Variants in EP300 observed in about 807,000 individuals in gnomAD.
The protein encoded by EP300 is histone acetyltransferase p300.
Under a neutral mutation model 264.0 loss-of-function variants are expected in EP300, and 31 were observed. The ratio of observed to expected loss-of-function variants is 0.12; its 90% confidence interval spans 0.09 to 0.16. The LOEUF (loss-of-function observed/expected upper bound fraction) is 0.16, where lower values mean the gene tolerates loss of function less well. Among genes scored for constraint, EP300 ranks in the 10% least tolerant of loss-of-function variants. The pLI is 1.00. For synonymous variants in EP300, 1,340 were observed against 1,045.4 expected (o/e 1.28, Z -5.44); for missense variants, 2,766 against 3,052.9 (o/e 0.91, Z 2.21).
intron 1 of EP300, among the ~76,000 whole-genome samples, chr22:41,096,681 C>G (rs1000800258): frequency 2.1e-5 from 3 of 144,230 alleles, no homozygotes; most frequent in South Asian, 2.2e-4. Context: ...TGCAGTAGCT[C>G]GATCTTGGCT....
chr22:41,131,511 C>T lies in EP300; in HGVS notation c.1406C>T (p.Ala469Val), dbSNP rs2145715655. Residue 469 changes from alanine (A) to valine (V), a missense_variant, in exon 6 of 31, where the codon GCA (alanine) becomes GTA (valine). By Grantham distance (64) the Ala-to-Val change is moderately conservative. Coordinates refer to ENST00000263253, the MANE Select transcript of EP300 (RefSeq NM_001429.4). ...CCCAGCTCCATAGAAAGAGCCTATG[C>T]AGCTCTTGGACTACCCTATCAAGTA... ...IDPSSIERAY[A>V]ALGLPYQVNQ... 6.2e-7 allele frequency: 1 copy of T among 1,614,120 alleles called. No homozygotes were observed. Among genetic ancestry groups the T allele is most frequent in the Non-Finnish European group, 8.5e-7 (1 of 1,180,036 alleles).
intron 2 of EP300, among the ~76,000 whole-genome samples, chr22:41,119,621 T>C (rs1320463090): frequency 1.3e-5 from 2 of 152,052 alleles, no homozygotes; most frequent in Non-Finnish European, 2.9e-5. Context: ...GTAAGTGCTA[T>C]GGAGAAAAAT....
rs979888457 is a variant in EP300 at position 41,141,969 on chromosome 22, TC to T, written c.2053+750del. Among the ~76,000 whole-genome samples, 8 of 152,230 alleles carry T rather than the reference TC, an allele frequency of 5.3e-5. No homozygotes were observed. In the South Asian group the frequency reaches 1.4e-3, roughly 28 times the overall value. On this transcript the variant is annotated intron_variant, in intron 10 of 30. Coordinates refer to ENST00000263253, the MANE Select transcript of EP300 (RefSeq NM_001429.4). ...TAGGATTACAGGCATGAGCCACCAC[TC>T]CCTGCCTAGAAGCATCATTTAAAAT...
At position 41,179,076 on chromosome 22, in the gene EP300, A is replaced by G; in HGVS notation, c.*120A>G. 1 of 1,216,556 alleles carries G rather than the reference A, an allele frequency of 8.2e-7. No homozygotes were observed. Among genetic ancestry groups the G allele is most frequent in the Non-Finnish European group, 1.2e-6 (1 of 861,196 alleles). 75.4% of individuals were successfully genotyped at this position (1,216,556 alleles called of 1,614,324 possible). ...AAAGACAATTTTCCTTGGAACACAT[A>G]AGAACTGTGCAGTAGCCGTTTGTGG... On this transcript the variant is annotated 3_prime_UTR_variant, in exon 31 of 31. Transcript: ENST00000263253.
At chr22:41,094,805 G>C (rs147579011) in intron 1 of EP300, among the ~76,000 whole-genome samples, 203 of 152,238 alleles carry the variant, frequency 1.3e-3, no homozygotes, top group Middle Eastern at 6.8e-3. Context: ...TTGGAACGTA[G>C]GGGAAACTTT....
At chr22:41,147,779 C>T (rs535799952) in intron 11 of EP300, 58 bp from the exon 12 acceptor site, 1 of 1,131,670 alleles carries the variant, frequency 8.8e-7, no homozygotes, top group Admixed American at 1.7e-5. Context: ...AGAATTCTAT[C>T]TTTTATTATT....
At chr22:41,167,883 G>C (rs1383602745) in intron 23 of EP300, among the ~76,000 whole-genome samples, 1 of 117,300 alleles carries the variant, frequency 8.5e-6, no homozygotes, top group Non-Finnish European at 1.6e-5. Context: ...CCATAGTGGC[G>C]CAGTCTCAGC....
At chr22:41,139,285 G>A (rs1402518849) in intron 8 of EP300, among the ~76,000 whole-genome samples, 3 of 152,192 alleles carry the variant, frequency 2.0e-5, no homozygotes, top group East Asian at 3.9e-4. Context: ...ACTAAGTAAC[G>A]GAATTTGACA....
At chr22:41,117,922 A>G in intron 2 of EP300, 101 bp downstream of exon 2, 1 of 1,562,044 alleles carries the variant, frequency 6.4e-7, no homozygotes, top group Non-Finnish European at 8.7e-7. Context: ...TTCCACTATT[A>G]CACGCCAGGA....
At chr22:41,131,317 T>C (rs1285186991) in intron 5 of EP300, 71 bp from the exon 6 acceptor site, 29 of 1,522,616 alleles carry the variant, frequency 1.9e-5, no homozygotes, top group Non-Finnish European at 2.4e-5. Flanking sequence ...GTGGGGTTTT[T>C]TATTAGACAT....
chr22:41,176,375 C>G lies in EP300; in HGVS notation c.4908C>G (p.Asp1636Glu), dbSNP rs886057562. ...ATGCGTTTCTCACGCTGGCAAGGGA[C>G]AAGCACCTGGAGTTCTCTTCACTCC... ...GRDAFLTLAR[D>E]KHLEFSSLRR... Residue 1636 changes from aspartate (D) to glutamate (E), a missense_variant, in exon 30 of 31, where the codon GAC (aspartate) becomes GAG (glutamate). Transcript: ENST00000263253. The G allele has an allele frequency of 1.2e-6, 2 of 1,614,226 alleles. No individual in the cohort carries two copies. The highest frequency in any genetic ancestry group is 1.7e-6 in the Non-Finnish European group (2 of 1,180,036).
chr22:41,149,419 C>T (rs1411705791), intron 13 of EP300, among the ~76,000 whole-genome samples: 1 of 152,058 alleles, frequency 6.6e-6, no homozygotes, highest in Non-Finnish European at 1.5e-5. Context: ...TACTAGTGAA[C>T]ACTTTAAAAT....
At chr22:41,137,927 C>G in intron 8 of EP300, 137 bp downstream of exon 8, 1 of 1,200,924 alleles carries the variant, frequency 8.3e-7, no homozygotes, top group Non-Finnish European at 1.2e-6. Context: ...TACTTCTACT[C>G]TTGTGGATTT....
rs759645868 is a variant in EP300, at chr22:41,149,018, G to A, written c.2242-20G>A. ...CTATAATGAAGCAGTTTGGTGATTT[G>A]TGTTTTTTTTTTTTTTCAGCCTATG... On this transcript the variant is annotated intron_variant, in intron 12 of 30. Coordinates refer to ENST00000263253, the MANE Select transcript of EP300 (RefSeq NM_001429.4). The A allele has an allele frequency of 6.3e-7, 1 of 1,591,632 alleles. No individual in the cohort carries two copies. The highest frequency in any genetic ancestry group is 1.4e-5 in the African/African-American group (1 of 72,458).
chr22:41,123,932 T>C (rs1391549478), intron 2 of EP300, among the ~76,000 whole-genome samples: 1 of 152,192 alleles, frequency 6.6e-6, no homozygotes, highest in African/African-American at 2.4e-5. Context: ...TTAACATAAA[T>C]ATAGAACATA....
At chr22:41,165,433 C>T (rs1284519505) in intron 22 of EP300, among the ~76,000 whole-genome samples, 3 of 151,804 alleles carry the variant, frequency 2.0e-5, no homozygotes, top group Non-Finnish European at 4.4e-5. Flanking sequence ...TTCTTTTTTT[C>T]TTTTTTTGAG....
At chr22:41,146,296 C>G (rs1198256602) in intron 10 of EP300, among the ~76,000 whole-genome samples, 1 of 151,946 alleles carries the variant, frequency 6.6e-6, no homozygotes, top group East Asian at 1.9e-4. Flanking sequence ...TCCTGAGTAG[C>G]TGGGATTACA....
In EP300 at chr22:41,140,025, T is replaced by C. The variant is rs1025402800; in HGVS notation, c.1761-115T>C. 5.1e-6 allele frequency: 4 copies of C among 778,602 alleles called. No individual in the cohort carries two copies. The African/African-American group carries it at 6.9e-5, about 13-fold the overall frequency. The allele number at this position is 778,602 out of a possible 1,614,324, so 48.2% of individuals were successfully genotyped here. On this transcript the variant is annotated intron_variant, in intron 8 of 30. Coordinates refer to ENST00000263253, the MANE Select transcript of EP300 (RefSeq NM_001429.4). ...GATAATTTCATTTCAGTAAGTAATA[T>C]ATATCACCTTGCCATTATTTTTTCT...
At chr22:41,104,400 C>A (rs527291571) in intron 1 of EP300, among the ~76,000 whole-genome samples, 18 of 151,938 alleles carry the variant, frequency 1.2e-4, no homozygotes, top group Non-Finnish European at 2.2e-4. Flanking sequence ...AGTGATTTTC[C>A]TGCCTCAGCC....
Sources: gnomAD v4.1 joint callset for allele counts (sites outside exome capture counted in the v4.1 genomes callset) on GRCh38, gnomAD v4.1.1 for gene constraint, MANE v1.5 for transcripts, NCBI Gene and HGNC (gene_info 2026-07-23, HGNC 2026-07-21) for gene names.